The following STK10 variants were observed in gnomAD, a reference collection of about 807,000 sequenced individuals.
STK10 encodes the protein serine/threonine-protein kinase 10.
STK10 carries 78 observed loss-of-function variants against 113.8 expected under a neutral mutation model. The ratio of observed to expected loss-of-function variants is 0.69; its 90% CI spans 0.57 to 0.83. The LOEUF (loss-of-function observed/expected upper bound fraction) is 0.83. Ranked by LOEUF, STK10 falls within the 40% of genes least tolerant of loss-of-function variation. The probability of loss-of-function intolerance (pLI) is 0.00; values close to 1 mark genes in which losing one functional copy is unlikely to be tolerated. For missense variants in STK10, 1,109 were observed against 1,280.1 expected, an observed-to-expected ratio of 0.87 and a Z score of 2.04; for synonymous variants, 465 against 494.7, an observed-to-expected ratio of 0.94 and a Z score of 0.80.
At chr5:172,165,163 T>G (rs1356954090) in intron 1 of STK10, among the ~76,000 whole-genome samples, 1 of 141,490 alleles carries the variant, frequency 7.1e-6, no homozygotes, top group East Asian at 2.2e-4. Flanking sequence ...CCCCAGGCCC[T>G]CCCCTTCCCT....
At chr5:172,182,419 T>C (rs1246771957) in intron 1 of STK10, among the ~76,000 whole-genome samples, 1 of 152,006 alleles carries the variant, frequency 6.6e-6, no homozygotes, top group Non-Finnish European at 1.5e-5. Context: ...CTCATTCTGT[T>C]GCCCAGGCTG....
intron 2 of STK10, among the ~76,000 whole-genome samples, chr5:172,154,925 ACT>A (rs1417735540): frequency 6.6e-6 from 1 of 152,166 alleles, no homozygotes; most frequent in African/African-American, 2.4e-5. Context: ...CACACAGTAA[ACT>A]CTCAATAAAT....
chr5:172,168,373 G>A (rs891978243), intron 1 of STK10, among the ~76,000 whole-genome samples: 1 of 152,170 alleles, frequency 6.6e-6, no homozygotes, highest in Non-Finnish European at 1.5e-5. Flanking sequence ...GCAGGAAAAG[G>A]GCCCAACATA....
At chr5:172,086,195 C>G (rs1301349963) in intron 10 of STK10, among the ~76,000 whole-genome samples, 1 of 152,176 alleles carries the variant, frequency 6.6e-6, no homozygotes, top group African/African-American at 2.4e-5. Flanking sequence ...GACCAGCACT[C>G]TGTAAATGGC....
chr5:172,112,346 C>T (rs1334751497), intron 4 of STK10, among the ~76,000 whole-genome samples: 2 of 151,842 alleles, frequency 1.3e-5, no homozygotes, highest in Middle Eastern at 3.4e-3. Flanking sequence ...TGGAAGTCTG[C>T]ACATCAAACT....
At chr5:172,180,657 AC>A (rs1197506752) in intron 1 of STK10, among the ~76,000 whole-genome samples, 5 of 140,280 alleles carry the variant, frequency 3.6e-5, no homozygotes, top group South Asian at 2.2e-4. Context: ...AAAAAAAAAA[AC>A]ATTAGCCGGG....
In STK10 at chr5:172,060,436, A is replaced by C. The variant is rs535888622; in HGVS notation, c.2212+703T>G. ...AATAAATAAATAAACAAAAATCCCC[A>C]AAACCCAAAAAACCACAAAACCCCA... On this transcript the variant is annotated intron_variant, in intron 14 of 18. Coordinates refer to ENST00000176763, the MANE Select transcript of STK10 (RefSeq NM_005990.4). 3.5e-4 allele frequency among the ~76,000 whole-genome samples: 53 copies of C among 152,156 alleles called. 1 individual carries two copies. Among genetic ancestry groups the C allele is most frequent in the Middle Eastern group, 3.4e-3 (1 of 294 alleles).
rs368526880 is a variant in STK10, at chr5:172,162,171, T to A, written c.157-5383A>T. ...GCCTGACCAACATGGTAAAACCCCA[T>A]CTCTACTAAAAATACAAAAATTAGC... On this transcript the variant is annotated intron_variant, in intron 1 of 18. Transcript: ENST00000176763. 9.9e-5 allele frequency among the ~76,000 whole-genome samples: 15 copies of A among 152,008 alleles called. No homozygotes were observed. The East Asian group carries it at 2.9e-3, about 29-fold the overall frequency.
rs56159871 is a variant in STK10 at position 172,136,829 on chromosome 5, ATT to A, written c.322-9410_322-9409del. Among the ~76,000 whole-genome samples the A allele has an allele frequency of 3.5e-3, 513 of 147,320 alleles. 2 individuals are homozygous for A. Among genetic ancestry groups the A allele is most frequent in the African/African-American group, 0.01 (418 of 40,436 alleles). On this transcript the variant is annotated intron_variant, in intron 2 of 18. Coordinates refer to ENST00000176763, the MANE Select transcript of STK10 (RefSeq NM_005990.4). ...TTCATGAGAGCCTTTATTATTATCT[ATT>A]TTTTTTTTTTATACTTTAAGTTCTG...
chr5:172,094,073 A>C, intron 8 of STK10, 113 bp from the exon 9 acceptor site: 1 of 774,330 alleles, frequency 1.3e-6, no homozygotes, highest in Non-Finnish European at 1.8e-6. Context: ...GGCCAGCGCC[A>C]AGAAAGGAGA....
intron 1 of STK10, among the ~76,000 whole-genome samples, chr5:172,164,306 C>T (rs1457090708): frequency 6.6e-6 from 1 of 151,594 alleles, no homozygotes; most frequent in South Asian, 2.1e-4. Flanking sequence ...GAGACTGCTG[C>T]AAGCTCTCCT....
chr5:172,082,642 T>C lies in STK10; in HGVS notation c.1810-137A>G. ...TCCCAGCTCTACTACCCCGTTGCTG[T>C]GTGACCTGGGGCAAGTTACTTAGCC... On this transcript the variant is annotated intron_variant, in intron 11 of 18. Transcript: ENST00000176763. This position sits in a 1 kb window ranked among gnomAD's most constrained non-coding sequence, Gnocchi z 4.3. 8.5e-7 allele frequency: 1 copy of C among 1,174,476 alleles called. No individual in the cohort carries two copies. Among genetic ancestry groups the C allele is most frequent in the Non-Finnish European group, 1.2e-6 (1 of 860,670 alleles). 72.8% of individuals were successfully genotyped at this position (1,174,476 alleles called of 1,614,324 possible). A position where few individuals can be genotyped will look rare whatever the true frequency, so the allele number is the denominator to read the frequency against.
At chr5:172,134,903 G>A (rs1370340010) in intron 2 of STK10, among the ~76,000 whole-genome samples, 1 of 148,494 alleles carries the variant, frequency 6.7e-6, no homozygotes, top group African/African-American at 2.5e-5. Context: ...CAGCCTGGGA[G>A]AAAGAACAAG....
At chr5:172,048,429 A>ACACACACACG (rs1767544819) in intron 18 of STK10, among the ~76,000 whole-genome samples, 1 of 151,204 alleles carries the variant, frequency 6.6e-6, no homozygotes, top group Admixed American at 6.6e-5. Flanking sequence ...ACACACACAC[A>ACACACACACG]CACACACACA....
At chr5:172,062,395 T>C (rs1304531082) in intron 13 of STK10, among the ~76,000 whole-genome samples, 1 of 152,224 alleles carries the variant, frequency 6.6e-6, no homozygotes, top group Non-Finnish European at 1.5e-5. Context: ...TAGCTATTGT[T>C]ATTGCTGTGT....
intron 4 of STK10, among the ~76,000 whole-genome samples, chr5:172,108,499 C>A (rs1411007156): frequency 1.3e-5 from 2 of 151,798 alleles, no homozygotes; most frequent in African/African-American, 2.4e-5. Context: ...GCCTGTAATC[C>A]CAGATACTTG....
chr5:172,084,461 T>TAA (rs1172562346), intron 10 of STK10, among the ~76,000 whole-genome samples: 1 of 151,158 alleles, frequency 6.6e-6, no homozygotes, highest in South Asian at 2.1e-4. Flanking sequence ...AATCTCTAGG[T>TAA]AAAAAAAAGC....
chr5:172,168,627 C>T (rs1442766040), intron 1 of STK10, among the ~76,000 whole-genome samples: 1 of 152,170 alleles, frequency 6.6e-6, no homozygotes, highest in Non-Finnish European at 1.5e-5. Context: ...CGCCTTTCTC[C>T]AGCACAGGCC....
At chr5:172,168,892 T>G (rs574407592) in intron 1 of STK10, among the ~76,000 whole-genome samples, 2 of 151,904 alleles carry the variant, frequency 1.3e-5, no homozygotes, top group African/African-American at 4.8e-5. Context: ...CCAGAAACAC[T>G]CAGGGTGAAC....
Sources: allele counts gnomAD v4.1 joint callset (sites outside exome capture counted in the v4.1 genomes callset), GRCh38; gene constraint gnomAD v4.1.1; non-coding constraint Gnocchi (gnomAD v3.1); transcripts MANE v1.5; gene names NCBI Gene and HGNC (gene_info 2026-07-23, HGNC 2026-07-21).